Variants in GPA33 observed in about 807,000 individuals in gnomAD.
GPA33 encodes cell surface A33 antigen.
GPA33 carries 27 observed loss-of-function variants against 35.6 expected under a neutral mutation model. That is an observed-to-expected ratio of 0.76 (90% CI 0.56 to 1.04). The LOEUF (loss-of-function observed/expected upper bound fraction) is 1.04, where lower values mean the gene tolerates loss of function less well. GPA33 is among the 50% of genes least tolerant of loss of function. The pLI is 0.00. For missense variants in GPA33, 428 were observed against 411.9 expected, an observed-to-expected ratio of 1.04 and a Z score of -0.34; for synonymous variants, 176 against 164.0, an observed-to-expected ratio of 1.07 and a Z score of -0.56.
At chr1:167,087,910 T>TCACACACACACACACACACACACACA (rs375861023) in intron 1 of GPA33, among the ~76,000 whole-genome samples, 3 of 149,744 alleles carry the variant, frequency 2.0e-5, no homozygotes, top group African/African-American at 7.4e-5. Flanking sequence ...AGACTCTGTC[T>TCACACACACACACACACACACACACA]CACACACACA....
At chr1:167,056,745 G>GA (rs1558002006) in intron 4 of GPA33, among the ~76,000 whole-genome samples, 913 of 5,408 alleles carry the variant, frequency 0.17, 2 homozygotes, top group South Asian at 0.2. Context: ...TGGTGTGTGT[G>GA]GTGTGTGTAT....
chr1:167,081,383 G>A (rs1045047822), intron 1 of GPA33, among the ~76,000 whole-genome samples: 1 of 152,072 alleles, frequency 6.6e-6, no homozygotes, highest in Admixed American at 6.5e-5. Context: ...GAAAGTGCTG[G>A]TCTCTAGGGA....
At chr1:167,089,118 C>T (rs1667109001) in intron 1 of GPA33, among the ~76,000 whole-genome samples, 1 of 152,342 alleles carries the variant, frequency 6.6e-6, no homozygotes, top group East Asian at 1.9e-4. Flanking sequence ...TGATCTTACC[C>T]AGATCTTCCT....
At chr1:167,055,634 C>G (rs1666226166) in intron 5 of GPA33, 96 bp downstream of exon 5, 1 of 1,375,980 alleles carries the variant, frequency 7.3e-7, no homozygotes, top group Non-Finnish European at 1.0e-6. Flanking sequence ...AGAGAGGTTC[C>G]CCTATTCCTC....
chr1:167,078,535 C>T (rs1666867691), intron 1 of GPA33: 1 of 152,264 alleles, frequency 6.6e-6, no homozygotes, highest in Admixed American at 6.5e-5. Flanking sequence ...TTCAGATTCT[C>T]TGAACATCCC....
intron 4 of GPA33, among the ~76,000 whole-genome samples, chr1:167,063,085 G>T (rs1247852630): frequency 6.6e-6 from 1 of 152,242 alleles, no homozygotes; most frequent in Non-Finnish European, 1.5e-5. Flanking sequence ...CGCTTTACAT[G>T]AATCATTTTT....
intron 1 of GPA33, among the ~76,000 whole-genome samples, chr1:167,075,183 G>A (rs184682807): frequency 6.5e-4 from 99 of 152,302 alleles, no homozygotes; most frequent in African/African-American, 2.2e-3. Context: ...TTACAGGCAT[G>A]AGCCACCATG....
At chr1:167,057,125 C>T (rs1666325011) in intron 4 of GPA33, among the ~76,000 whole-genome samples, 1 of 151,290 alleles carries the variant, frequency 6.6e-6, no homozygotes, top group Non-Finnish European at 1.5e-5. Flanking sequence ...TCTACATCTG[C>T]CGCCACTTGA....
chr1:167,088,618 A>C (rs1051192197), intron 1 of GPA33, among the ~76,000 whole-genome samples: 3 of 152,182 alleles, frequency 2.0e-5, no homozygotes, highest in African/African-American at 7.2e-5. Context: ...TTGCCTTCTC[A>C]TAGGAAGAAG....
intron 1 of GPA33, among the ~76,000 whole-genome samples, chr1:167,079,769 G>A (rs1666889498): frequency 1.3e-5 from 2 of 152,188 alleles, no homozygotes; most frequent in South Asian, 4.1e-4. Context: ...ACATCTGGCT[G>A]GACTTTTTAA....
intron 2 of GPA33, among the ~76,000 whole-genome samples, chr1:167,071,691 C>G (rs1239013446): frequency 6.6e-6 from 1 of 152,206 alleles, no homozygotes; most frequent in Non-Finnish European, 1.5e-5. Context: ...CTGATGCTGA[C>G]TGGCTCTGCC....
At chr1:167,055,222 A>G in intron 5 of GPA33, 111 bp from the exon 6 acceptor site, 1 of 1,032,778 alleles carries the variant, frequency 9.7e-7, no homozygotes, top group South Asian at 1.5e-5. Flanking sequence ...CATGAAAGGC[A>G]TGGTCTTGGA....
intron 4 of GPA33, 102 bp downstream of exon 4, chr1:167,063,480 C>T: frequency 9.8e-7 from 1 of 1,018,562 alleles, no homozygotes; most frequent in South Asian, 1.6e-5. Context: ...AAGCGGCCTT[C>T]AGGGGGATCT....
chr1:167,080,128 A>G (rs1026063878), intron 1 of GPA33, among the ~76,000 whole-genome samples: 5 of 152,042 alleles, frequency 3.3e-5, no homozygotes, highest in Non-Finnish European at 5.9e-5. Context: ...TCTCCCATCC[A>G]GTCACTCCCT....
At position 167,083,868 on chromosome 1, in the gene GPA33, A is replaced by T. The variant is rs534743254; in HGVS notation, c.43+6377T>A. ...GTTTCTTGGGGGTGTATGATTCCCCATATGATATCCTTTAGCCTCCCACTG... is the reference window on the plus strand; with the variant it reads ...GTTTCTTGGGGGTGTATGATTCCCCTTATGATATCCTTTAGCCTCCCACTG... On this transcript the variant is annotated intron_variant, in intron 1 of 6. Coordinates refer to ENST00000367868, the MANE Select transcript of GPA33 (RefSeq NM_005814.3). 2.0e-5 allele frequency among the ~76,000 whole-genome samples: 3 copies of T among 152,282 alleles called. No homozygotes were observed. The East Asian group carries it at 5.8e-4, about 29-fold the overall frequency.
intron 1 of GPA33, among the ~76,000 whole-genome samples, chr1:167,077,410 C>T (rs151043125): frequency 3.5e-4 from 53 of 152,290 alleles, no homozygotes; most frequent in African/African-American, 1.2e-3. Context: ...CTCTTCTGTC[C>T]TTGCCTGGAC....
chr1:167,078,114 T>G (rs1454065864), intron 1 of GPA33, among the ~76,000 whole-genome samples: 1 of 152,192 alleles, frequency 6.6e-6, no homozygotes, highest in African/African-American at 2.4e-5. Context: ...CAACAGAACC[T>G]ATTTCCTATT....
At position 167,055,986 on chromosome 1, in the gene GPA33, C is replaced by T; in HGVS notation, c.572-137G>A. ...TCAGGCCGGAGCCCCATGTCCACCT[C>T]CAGGGCTGCAGGACGCTTAAACCAG... On this transcript the variant is annotated intron_variant, in intron 4 of 6. Transcript: ENST00000367868. 3 of 807,522 alleles carry T rather than the reference C, an allele frequency of 3.7e-6. No homozygotes were observed. The South Asian group carries it at 5.0e-5, about 13-fold the overall frequency. The allele number at this position is 807,522 out of a possible 1,614,324, so 50.0% of individuals were successfully genotyped here.
chr1:167,065,879 C>A (rs531068239), intron 3 of GPA33, among the ~76,000 whole-genome samples: 1 of 152,248 alleles, frequency 6.6e-6, no homozygotes, highest in East Asian at 1.9e-4. Flanking sequence ...GACCCTGGGA[C>A]TGGAGCAGTG....
Sources: allele counts gnomAD v4.1 joint callset (sites outside exome capture counted in the v4.1 genomes callset), GRCh38; gene constraint gnomAD v4.1.1; transcripts MANE v1.5; gene names NCBI Gene and HGNC (gene_info 2026-07-23, HGNC 2026-07-21).